The following CTNNA3 variants were observed in gnomAD, a reference collection of about 807,000 sequenced individuals.
The protein encoded by CTNNA3 is catenin alpha 3, also known as catenin alpha-3.
In CTNNA3, 76 loss-of-function variants were observed where a neutral mutation model predicts 95.7. That is an observed-to-expected ratio of 0.79 (90% CI 0.66 to 0.96). The LOEUF (loss-of-function observed/expected upper bound fraction) is 0.96. CTNNA3 is among the 40% of genes least tolerant of loss of function. The pLI is 0.00. For missense variants in CTNNA3, 1,191 were observed against 1,089.8 expected (o/e 1.09, Z -1.31); for synonymous variants, 431 against 374.4 (o/e 1.15, Z -1.74).
intron 15 of CTNNA3, among the ~76,000 whole-genome samples, chr10:65,990,763 T>C (rs1440873623): frequency 1.3e-5 from 2 of 152,016 alleles, no homozygotes; most frequent in East Asian, 1.9e-4. Flanking sequence ...AGAAGCTTTT[T>C]AGTTTAATAT....
At chr10:66,794,038 T>C (rs1475487810) in intron 7 of CTNNA3, among the ~76,000 whole-genome samples, 4 of 152,160 alleles carry the variant, frequency 2.6e-5, no homozygotes, top group African/African-American at 9.7e-5. Context: ...TACAGACTAG[T>C]ACGTTTTAAT....
intron 1 of CTNNA3, chr10:67,751,055 G>C: frequency 6.7e-7 from 1 of 1,500,350 alleles, no homozygotes; most frequent in Non-Finnish European, 9.3e-7. Context: ...AGAGGAATGT[G>C]ACTGTGATCC....
intron 9 of CTNNA3, among the ~76,000 whole-genome samples, chr10:66,645,333 T>C (rs1465683375): frequency 6.6e-6 from 1 of 152,170 alleles, no homozygotes; most frequent in African/African-American, 2.4e-5. Context: ...ATTTATATTA[T>C]AATTTTTTAA....
chr10:66,936,630 A>G (rs1001801154), intron 7 of CTNNA3, among the ~76,000 whole-genome samples: 1 of 152,088 alleles, frequency 6.6e-6, no homozygotes, highest in East Asian at 1.9e-4. Context: ...GAGTCATCGG[A>G]CAGATGGACT....
At chr10:67,308,713 A>G (rs1480446838) in intron 5 of CTNNA3, among the ~76,000 whole-genome samples, 1 of 152,204 alleles carries the variant, frequency 6.6e-6, no homozygotes. Flanking sequence ...GGATTCAATC[A>G]AACTATTTAA....
chr10:66,238,819 G>A lies in CTNNA3; in HGVS notation c.1884+41651C>T, dbSNP rs147655256. 3.3e-5 allele frequency among the ~76,000 whole-genome samples: 5 copies of A among 151,994 alleles called. No individual in the cohort carries two copies. The East Asian group carries it at 5.8e-4, about 18-fold the overall frequency. On this transcript the variant is annotated intron_variant, in intron 13 of 17. Coordinates refer to ENST00000433211, the MANE Select transcript of CTNNA3 (RefSeq NM_013266.4). ...TTTCTAATGTTTCAATTATAAACAT[G>A]CATTACTGGATAATTTTTAAGAAAA...
At chr10:67,303,588 T>A (rs956749541) in intron 5 of CTNNA3, among the ~76,000 whole-genome samples, 4 of 152,230 alleles carry the variant, frequency 2.6e-5, no homozygotes, top group African/African-American at 9.6e-5. Context: ...GCAATTTCCA[T>A]GGCAAGAATG....
At chr10:66,272,107 G>A (rs1346884201) in intron 13 of CTNNA3, among the ~76,000 whole-genome samples, 1 of 152,074 alleles carries the variant, frequency 6.6e-6, no homozygotes, top group Non-Finnish European at 1.5e-5. Context: ...TTCCACTAAG[G>A]TTTGATTTAA....
At chr10:67,284,379 T>C (rs1220350657) in intron 5 of CTNNA3, among the ~76,000 whole-genome samples, 2 of 152,196 alleles carry the variant, frequency 1.3e-5, no homozygotes, top group Non-Finnish European at 2.9e-5. Flanking sequence ...TTTAAAGTAA[T>C]TGACTTTTCA....
intron 5 of CTNNA3, among the ~76,000 whole-genome samples, chr10:67,398,038 G>A (rs1395013884): frequency 6.6e-6 from 1 of 152,240 alleles, no homozygotes; most frequent in African/African-American, 2.4e-5. Context: ...AAGTGTGGAA[G>A]GGAAATGTGG....
intron 1 of CTNNA3, among the ~76,000 whole-genome samples, chr10:67,689,837 T>C (rs1386053672): frequency 1.3e-5 from 2 of 152,092 alleles, no homozygotes; most frequent in African/African-American, 2.4e-5. Context: ...GCTAGTTGCT[T>C]TTAGCTGACC....
intron 13 of CTNNA3, among the ~76,000 whole-genome samples, chr10:66,209,664 C>T (rs1055948412): frequency 6.6e-6 from 1 of 151,860 alleles, no homozygotes; most frequent in African/African-American, 2.4e-5. Context: ...TTTTGAAGAG[C>T]ATGAAAAAAA....
intron 15 of CTNNA3, among the ~76,000 whole-genome samples, chr10:66,010,783 A>G (rs933996389): frequency 5.3e-5 from 8 of 151,838 alleles, no homozygotes; most frequent in African/African-American, 1.9e-4. Flanking sequence ...TGAAAACTGC[A>G]GAGGTTTCAG....
In CTNNA3 at chr10:67,143,941, C is replaced by T. The variant is rs114625917; in HGVS notation, c.1047+36376G>A. On this transcript the variant is annotated intron_variant, in intron 7 of 17. Transcript: ENST00000433211. ...TCCAAAAGATTTTCAATTTACTTTG[C>T]CCAGATCTATCAGAGGAATCACCAT... Among the ~76,000 whole-genome samples, 976 of 152,288 alleles carry T rather than the reference C, an allele frequency of 6.4e-3. 16 individuals are homozygous for T. Among genetic ancestry groups the T allele is most frequent in the African/African-American group, 0.023 (935 of 41,544 alleles).
At chr10:66,517,895 T>A (rs1034234178) in intron 11 of CTNNA3, among the ~76,000 whole-genome samples, 2 of 152,120 alleles carry the variant, frequency 1.3e-5, no homozygotes, top group African/African-American at 4.8e-5. Context: ...GCGTTTTCTG[T>A]ACAGAATTTA....
rs1476797183 is a variant in CTNNA3 at position 66,235,490 on chromosome 10, AATC to A, written c.1884+44977_1884+44979del. Among the ~76,000 whole-genome samples the A allele has an allele frequency of 5.3e-5, 8 of 151,986 alleles. No individual in the cohort carries two copies. The East Asian group carries it at 1.5e-3, about 29-fold the overall frequency. Reference sequence around the variant, plus strand: ...TGACATATAAAATAATTATTTTATTAATCATCATTGTTATTTAAAATAACCACA... The same window carrying A: ...TGACATATAAAATAATTATTTTATTAATCATTGTTATTTAAAATAACCACA... On this transcript the variant is annotated intron_variant, in intron 13 of 17. Coordinates refer to ENST00000433211, the MANE Select transcript of CTNNA3 (RefSeq NM_013266.4).
chr10:66,173,111 T>C (rs939033255), intron 13 of CTNNA3, among the ~76,000 whole-genome samples: 3 of 152,184 alleles, frequency 2.0e-5, no homozygotes, highest in African/African-American at 4.8e-5. Flanking sequence ...AAAAAGCACA[T>C]CTTTTCATGT....
chr10:66,288,682 C>T (rs544487308), intron 12 of CTNNA3, among the ~76,000 whole-genome samples: 10 of 152,202 alleles, frequency 6.6e-5, no homozygotes, highest in Non-Finnish European at 1.3e-4. Flanking sequence ...ACAAAAAGTT[C>T]TATTGGACAG....
chr10:67,586,350 T>G (rs1041285509), intron 3 of CTNNA3, among the ~76,000 whole-genome samples: 1 of 152,158 alleles, frequency 6.6e-6, no homozygotes, highest in Non-Finnish European at 1.5e-5. Context: ...TGGCCTAAAG[T>G]TCAACTTTTC....
Sources: allele counts gnomAD v4.1 joint callset (sites outside exome capture counted in the v4.1 genomes callset), GRCh38; gene constraint gnomAD v4.1.1; transcripts MANE v1.5; gene names NCBI Gene and HGNC (gene_info 2026-07-23, HGNC 2026-07-21).